Variants in PIP5K1B observed in about 807,000 individuals in gnomAD.
PIP5K1B encodes phosphatidylinositol-4-phosphate 5-kinase type 1 beta, also known as phosphatidylinositol 4-phosphate 5-kinase type-1 beta.
PIP5K1B carries 42 observed loss-of-function variants against 67.0 expected under a neutral mutation model. That is an observed-to-expected ratio of 0.63 (90% CI 0.49 to 0.81). The LOEUF (loss-of-function observed/expected upper bound fraction) is 0.81. Ranked by LOEUF, PIP5K1B falls within the 30% of genes least tolerant of loss-of-function variation. PIP5K1B has a pLI of 0.00. For synonymous variants in PIP5K1B, 214 were observed against 231.4 expected (o/e 0.92, Z 0.68); for missense variants, 459 against 646.3 (o/e 0.71, Z 3.14).
At chr9:68,954,037 C>T (rs1181941309) in intron 14 of PIP5K1B, among the ~76,000 whole-genome samples, 1 of 151,920 alleles carries the variant, frequency 6.6e-6, no homozygotes. Flanking sequence ...ACCTCAATTG[C>T]TTCTGGTGTC....
intron 4 of PIP5K1B, chr9:68,824,355 A>G: frequency 2.1e-6 from 1 of 465,556 alleles, no homozygotes; most frequent in Non-Finnish European, 4.2e-6. Flanking sequence ...ACCCTGCCCA[A>G]GAATTTATTT....
intron 2 of PIP5K1B, chr9:68,789,111 A>G (rs1831808999): frequency 1.7e-5 from 10 of 572,106 alleles, no homozygotes; most frequent in Middle Eastern, 3.4e-4. Flanking sequence ...AATCTCTTCA[A>G]TCACATCAAA....
intron 14 of PIP5K1B, among the ~76,000 whole-genome samples, chr9:68,974,928 T>C (rs1345623538): frequency 6.6e-6 from 1 of 152,254 alleles, no homozygotes; most frequent in African/African-American, 2.4e-5. Context: ...TTTTAGCACA[T>C]TGACATGGTG....
At chr9:68,832,960 G>A (rs148722214) in intron 4 of PIP5K1B, among the ~76,000 whole-genome samples, 27 of 152,318 alleles carry the variant, frequency 1.8e-4, no homozygotes, top group Non-Finnish European at 1.3e-4. Context: ...ATTTTTATGG[G>A]TGTGCTTAGT....
At chr9:68,923,198 G>C in intron 11 of PIP5K1B, 104 bp from the exon 12 acceptor site, 1 of 743,140 alleles carries the variant, frequency 1.3e-6, no homozygotes, top group Non-Finnish European at 2.3e-6. Flanking sequence ...GCCACCTTTG[G>C]TTAAGAATGT....
intron 2 of PIP5K1B, among the ~76,000 whole-genome samples, chr9:68,801,501 G>A (rs1203630234): frequency 1.3e-5 from 2 of 152,108 alleles, no homozygotes. Context: ...CTGCCAGGTG[G>A]GAGAGATTTG....
At chr9:68,852,560 C>T (rs1285965503) in intron 4 of PIP5K1B, among the ~76,000 whole-genome samples, 1 of 152,172 alleles carries the variant, frequency 6.6e-6, no homozygotes, top group Non-Finnish European at 1.5e-5. Flanking sequence ...TCCCATTGGC[C>T]AAACCCAACT....
intron 6 of PIP5K1B, among the ~76,000 whole-genome samples, chr9:68,881,223 A>G (rs1824185704): frequency 6.6e-6 from 1 of 152,236 alleles, no homozygotes; most frequent in African/African-American, 2.4e-5. Context: ...CTTACCAAAT[A>G]TGTACTCAAA....
intron 2 of PIP5K1B, among the ~76,000 whole-genome samples, chr9:68,747,952 A>G (rs2132338744): frequency 6.6e-6 from 1 of 152,324 alleles, no homozygotes; most frequent in South Asian, 2.1e-4. Context: ...TTTTATTATG[A>G]AAAATGGAGG....
chr9:68,848,136 C>T (rs1233428496), intron 4 of PIP5K1B, among the ~76,000 whole-genome samples: 1 of 152,122 alleles, frequency 6.6e-6, no homozygotes, highest in Non-Finnish European at 1.5e-5. Context: ...TTGTACAAGG[C>T]TTGGACTACA....
At chr9:68,869,566 C>T (rs1483566767) in intron 5 of PIP5K1B, among the ~76,000 whole-genome samples, 1 of 152,222 alleles carries the variant, frequency 6.6e-6, no homozygotes, top group African/African-American at 2.4e-5. Flanking sequence ...AATAAAGCCA[C>T]ATCCATTCAT....
intron 12 of PIP5K1B, among the ~76,000 whole-genome samples, chr9:68,932,608 T>A (rs565564540): frequency 2.8e-4 from 43 of 152,328 alleles, no homozygotes; most frequent in African/African-American, 9.6e-4. Flanking sequence ...GTCTCACATC[T>A]GCTTCTGAAT....
chr9:68,719,333 A>C (rs1327324988), intron 1 of PIP5K1B, among the ~76,000 whole-genome samples: 1 of 152,236 alleles, frequency 6.6e-6, no homozygotes, highest in African/African-American at 2.4e-5. Flanking sequence ...AAGGTTATAG[A>C]TTACTGCATT....
intron 2 of PIP5K1B, among the ~76,000 whole-genome samples, chr9:68,799,548 A>G (rs1345901946): frequency 6.6e-6 from 1 of 152,226 alleles, no homozygotes; most frequent in Non-Finnish European, 1.5e-5. Context: ...ATAGACATAT[A>G]GGCCAATAAA....
chr9:68,845,281 A>G (rs1271714477), intron 4 of PIP5K1B, among the ~76,000 whole-genome samples: 1 of 152,202 alleles, frequency 6.6e-6, no homozygotes, highest in Non-Finnish European at 1.5e-5. Flanking sequence ...GGCTTATGAA[A>G]TCAGGACCAC....
intron 4 of PIP5K1B, among the ~76,000 whole-genome samples, chr9:68,828,360 T>C (rs1248034082): frequency 6.6e-6 from 1 of 152,252 alleles, no homozygotes; most frequent in African/African-American, 2.4e-5. Context: ...TTAGCTGGTT[T>C]TCACTGTGAC....
At chr9:68,771,497 T>C (rs1169699198) in intron 2 of PIP5K1B, among the ~76,000 whole-genome samples, 2 of 152,204 alleles carry the variant, frequency 1.3e-5, no homozygotes, top group East Asian at 3.8e-4. Context: ...GCTCAGCTTC[T>C]GAAGCCAGAC....
intron 6 of PIP5K1B, among the ~76,000 whole-genome samples, chr9:68,888,549 A>G (rs901206276): frequency 6.6e-6 from 1 of 152,244 alleles, no homozygotes. Context: ...TGTTGAAACC[A>G]TGAGTAGATG....
At chr9:68,900,082 T>C (rs1484308112) in intron 8 of PIP5K1B, among the ~76,000 whole-genome samples, 1 of 152,246 alleles carries the variant, frequency 6.6e-6, no homozygotes. Context: ...TCCATGTTGC[T>C]GCAAAGGACA....
Sources: gnomAD v4.1 joint callset for allele counts (sites outside exome capture counted in the v4.1 genomes callset) on GRCh38, gnomAD v4.1.1 for gene constraint, MANE v1.5 for transcripts, NCBI Gene and HGNC (gene_info 2026-07-23, HGNC 2026-07-21) for gene names.